Variants in FAF1 observed in about 807,000 individuals in gnomAD.
The protein encoded by FAF1 is FAS-associated factor 1.
FAF1 carries 25 observed loss-of-function variants against 92.5 expected under a neutral mutation model. The ratio of observed to expected loss-of-function variants is 0.27; its 90% confidence interval spans 0.20 to 0.38. FAF1 has a LOEUF of 0.38. Among genes scored for constraint, FAF1 ranks in the 10% least tolerant of loss-of-function variants. The pLI is 1.00. For missense variants in FAF1, 636 were observed against 793.3 expected (o/e 0.80, Z 2.38); for synonymous variants, 234 against 273.2 (o/e 0.86, Z 1.42).
At chr1:50,678,509 G>A (rs530202710) in intron 7 of FAF1, among the ~76,000 whole-genome samples, 10 of 152,164 alleles carry the variant, frequency 6.6e-5, no homozygotes, top group Non-Finnish European at 8.8e-5. Flanking sequence ...TTTTGGTCAG[G>A]TGTGGTGGCT....
intron 2 of FAF1, among the ~76,000 whole-genome samples, chr1:50,823,678 C>G (rs1644066926): frequency 6.6e-6 from 1 of 150,616 alleles, no homozygotes; most frequent in African/African-American, 2.4e-5. Context: ...AAAAAAAAAA[C>G]TGGAAAAGAC....
At chr1:50,478,754 T>A (rs1646666785) in intron 17 of FAF1, among the ~76,000 whole-genome samples, 1 of 152,244 alleles carries the variant, frequency 6.6e-6, no homozygotes. Context: ...TCTTCCTTAA[T>A]TTTTCAGGCA....
chr1:50,591,674 GAAAA>G (rs35426054), intron 9 of FAF1, among the ~76,000 whole-genome samples: 1 of 93,668 alleles, frequency 1.1e-5, no homozygotes, highest in African/African-American at 3.9e-5. Context: ...CTCCATCTCA[GAAAA>G]AAAAAAAAAA....
chr1:50,904,588 T>C (rs867170159), intron 1 of FAF1, among the ~76,000 whole-genome samples: 2 of 152,190 alleles, frequency 1.3e-5, no homozygotes, highest in Non-Finnish European at 2.9e-5. Context: ...CCCTCAGTAA[T>C]ATCTAGTTGT....
chr1:50,523,553 T>C (rs373270248), intron 15 of FAF1, among the ~76,000 whole-genome samples: 2 of 152,346 alleles, frequency 1.3e-5, no homozygotes, highest in South Asian at 2.1e-4. Flanking sequence ...GTTGGTCATC[T>C]GTATATCTTT....
chr1:50,809,950 T>G (rs985365646), intron 2 of FAF1, among the ~76,000 whole-genome samples: 2 of 152,182 alleles, frequency 1.3e-5, no homozygotes, highest in African/African-American at 4.8e-5. Flanking sequence ...GATACAAGGT[T>G]GGTTTAATAC....
At chr1:50,938,732 C>T (rs575124740) in intron 1 of FAF1, among the ~76,000 whole-genome samples, 1 of 152,308 alleles carries the variant, frequency 6.6e-6, no homozygotes, top group East Asian at 1.9e-4. Context: ...AATCTTTAAT[C>T]CATCTTGAGT....
intron 5 of FAF1, among the ~76,000 whole-genome samples, chr1:50,742,274 G>A (rs1035791525): frequency 1.3e-5 from 2 of 151,778 alleles, no homozygotes; most frequent in Admixed American, 6.6e-5. Flanking sequence ...TGATTGTACC[G>A]CTGCACTCCA....
intron 18 of FAF1, among the ~76,000 whole-genome samples, chr1:50,446,992 T>C (rs1646234453): frequency 6.6e-6 from 1 of 151,688 alleles, no homozygotes; most frequent in South Asian, 2.1e-4. Context: ...ATAATTTTCA[T>C]AGTAACTCCC....
intron 7 of FAF1, among the ~76,000 whole-genome samples, chr1:50,704,984 A>C (rs558004555): frequency 2.6e-5 from 4 of 152,368 alleles, no homozygotes; most frequent in African/African-American, 9.6e-5. Context: ...AACATTATAA[A>C]ATAATCCAAG....
intron 4 of FAF1, among the ~76,000 whole-genome samples, chr1:50,759,287 T>C (rs112176474): frequency 4.2e-5 from 6 of 144,338 alleles, no homozygotes; most frequent in African/African-American, 1.5e-4. Flanking sequence ...TCTCCTAAAG[T>C]TATCCCTCCC....
chr1:50,584,562 C>T, intron 10 of FAF1, 123 bp downstream of exon 10: 1 of 919,532 alleles, frequency 1.1e-6, no homozygotes, highest in South Asian at 1.9e-5. Flanking sequence ...TGCCTACTCT[C>T]TATTATCTTA....
At chr1:50,463,689 C>T (rs1646460462) in intron 18 of FAF1, among the ~76,000 whole-genome samples, 1 of 152,170 alleles carries the variant, frequency 6.6e-6, no homozygotes, top group Admixed American at 6.5e-5. Context: ...TGGCGTGGAA[C>T]AGAACATTAG....
chr1:50,691,042 C>T (rs977665634), intron 7 of FAF1, among the ~76,000 whole-genome samples: 1 of 152,160 alleles, frequency 6.6e-6, no homozygotes, highest in African/African-American at 2.4e-5. Flanking sequence ...TTCACATACA[C>T]ATTTTTGTGT....
chr1:50,825,006 TAGAC>T (rs1252857235), intron 2 of FAF1, among the ~76,000 whole-genome samples: 4 of 152,020 alleles, frequency 2.6e-5, no homozygotes, highest in African/African-American at 7.2e-5. Context: ...AAAATACAGT[TAGAC>T]AGAAGCAGTA....
chr1:50,842,820 T>C (rs1644266596), intron 2 of FAF1, among the ~76,000 whole-genome samples: 1 of 152,178 alleles, frequency 6.6e-6, no homozygotes, highest in African/African-American at 2.4e-5. Context: ...GTTTTCTTCG[T>C]GGCATTTATC....
At chr1:50,939,129 G>C (rs1192701644) in intron 1 of FAF1, among the ~76,000 whole-genome samples, 1 of 152,162 alleles carries the variant, frequency 6.6e-6, no homozygotes, top group East Asian at 1.9e-4. Context: ...GATAGGAATA[G>C]CACTGAATGT....
chr1:50,739,077 A>G, intron 5 of FAF1, 123 bp from the exon 6 acceptor site: 1 of 619,398 alleles, frequency 1.6e-6, no homozygotes, highest in Middle Eastern at 3.2e-4. Context: ...TAATTTCCTA[A>G]ATAGGGTAAT....
In FAF1 at chr1:50,705,849, G is replaced by A. The variant is rs1212386362; in HGVS notation, c.594C>T (p.Ile198=). The A allele has an allele frequency of 6.2e-7, 1 of 1,612,668 alleles. No homozygotes were observed. The highest frequency in any genetic ancestry group is 1.3e-5 in the African/African-American group (1 of 74,740). ...ACTCCCGCTGGACTTCTCGGTGGGT[G>A]ATGATCAGCATGAAGTTTTGATTTA... is the stretch of plus-strand genomic sequence containing the variant. ...ESLNQNFMLI[I]THREVQREYN... The change falls in exon 7 of 19, where the codon ATC becomes ATT. Residue 198 remains isoleucine (I), a synonymous_variant. Coordinates refer to ENST00000396153, the MANE Select transcript of FAF1 (RefSeq NM_007051.3).
Sources: allele counts gnomAD v4.1 joint callset (sites outside exome capture counted in the v4.1 genomes callset), GRCh38; gene constraint gnomAD v4.1.1; transcripts MANE v1.5; gene names NCBI Gene and HGNC (gene_info 2026-07-23, HGNC 2026-07-21).